Variants in BLTP1 observed in about 807,000 individuals in gnomAD.
The protein encoded by BLTP1 is fragile site-associated protein.
the BLTP1 span, chr4:122,328,241 C>G: frequency 1.9e-6 from 3 of 1,611,200 alleles, no homozygotes; most frequent in Non-Finnish European, 2.5e-6. Context: ...GCATTCCTTT[C>G]CAAACTGAAG....
chr4:122,360,026 A>C, the BLTP1 span: 2 of 985,228 alleles, frequency 2.0e-6, no homozygotes, highest in African/African-American at 3.5e-5. Context: ...TCTCACCAAG[A>C]TGTTATTTTC....
chr4:122,172,915 A>T, the BLTP1 span: 1 of 1,551,792 alleles, frequency 6.4e-7, no homozygotes, highest in Non-Finnish European at 8.6e-7. Flanking sequence ...GAAGAAGAGG[A>T]AGAAAGCTGG....
At chr4:122,189,396 G>A in the BLTP1 span, 5 of 983,630 alleles carry the variant, frequency 5.1e-6, no homozygotes, top group Middle Eastern at 1.0e-3. Context: ...GTAGAAAAAC[G>A]TTCATTCCAG....
At chr4:122,167,002 ATCTTTACTT>A in the BLTP1 span, among the ~76,000 whole-genome samples, 1 of 152,074 alleles carries the variant, frequency 6.6e-6, no homozygotes. Context: ...AACAAGGCTT[ATCTTTACTT>A]TCTGTCCCTT....
chr4:122,362,529 C>G, the BLTP1 span: 1 of 189,092 alleles, frequency 5.3e-6, no homozygotes, highest in African/African-American at 2.4e-5. Flanking sequence ...TTTAAAATGT[C>G]TGCAGAATAA....
At chr4:122,245,505 G>A in the BLTP1 span, among the ~76,000 whole-genome samples, 1 of 152,004 alleles carries the variant, frequency 6.6e-6, no homozygotes, top group African/African-American at 2.4e-5. Flanking sequence ...ATGATTAGAT[G>A]ACTTGTATCT....
At chr4:122,274,314 T>A in the BLTP1 span, 1 of 1,157,748 alleles carries the variant, frequency 8.6e-7, no homozygotes, top group Admixed American at 1.9e-5. Context: ...TATCCAGAAT[T>A]CAAATAAATA....
the BLTP1 span, chr4:122,337,278 T>C: frequency 2.4e-6 from 1 of 419,952 alleles, no homozygotes; most frequent in South Asian, 3.0e-5. Flanking sequence ...AGTAATGCAT[T>C]TAATACACTT....
At chr4:122,237,338 G>T in the BLTP1 span, 1 of 985,288 alleles carries the variant, frequency 1.0e-6, no homozygotes. Context: ...TTATGAAACT[G>T]TGAAACAGTG....
At chr4:122,158,265 G>A in the BLTP1 span, among the ~76,000 whole-genome samples, 2 of 152,140 alleles carry the variant, frequency 1.3e-5, no homozygotes, top group African/African-American at 4.8e-5. Flanking sequence ...TTAATTTATG[G>A]TATGAGGACT....
chr4:122,325,319 C>T, the BLTP1 span: 1 of 1,601,936 alleles, frequency 6.2e-7, no homozygotes, highest in Non-Finnish European at 8.5e-7. Flanking sequence ...ATCCAGGATA[C>T]AGTAAGAGAT....
the BLTP1 span, among the ~76,000 whole-genome samples, chr4:122,332,152 T>C: frequency 6.6e-6 from 1 of 151,898 alleles, no homozygotes; most frequent in Non-Finnish European, 1.5e-5. Flanking sequence ...ATGCTGACAA[T>C]TATTGAAACT....
the BLTP1 span, among the ~76,000 whole-genome samples, chr4:122,341,318 C>G: frequency 0.05 from 7,588 of 152,178 alleles, 267 homozygotes; most frequent in Non-Finnish European, 0.074. Context: ...CTTCCCAACA[C>G]TGCTTTAAAT....
chr4:122,278,765 G>A, the BLTP1 span, among the ~76,000 whole-genome samples: 1 of 152,146 alleles, frequency 6.6e-6, no homozygotes, highest in Admixed American at 6.6e-5. Flanking sequence ...CCAAGTAGCA[G>A]GGACTGCAGG....
the BLTP1 span, chr4:122,220,587 T>C: frequency 1.2e-6 from 1 of 815,222 alleles, no homozygotes; most frequent in Non-Finnish European, 1.9e-6. Flanking sequence ...TTGGAGACTT[T>C]TAAGTTAACT....
At chr4:122,347,604 G>A in the BLTP1 span, 3 of 1,613,818 alleles carry the variant, frequency 1.9e-6, no homozygotes, top group South Asian at 1.1e-5. Flanking sequence ...CTTACTGCAA[G>A]ACCTGGGAGC....
chr4:122,264,526 G>T, the BLTP1 span: 4 of 1,149,570 alleles, frequency 3.5e-6, no homozygotes, highest in Non-Finnish European at 4.6e-6. Context: ...TTCTAGTGAG[G>T]CTATACCTTA....
At chr4:122,155,495 T>G in the BLTP1 span, among the ~76,000 whole-genome samples, 1 of 152,032 alleles carries the variant, frequency 6.6e-6, no homozygotes, top group African/African-American at 2.4e-5. Flanking sequence ...GGCCAATTTT[T>G]GTATTTTTGG....
the BLTP1 span, chr4:122,300,002 C>A: frequency 1.2e-6 from 1 of 868,338 alleles, no homozygotes; most frequent in Non-Finnish European, 1.4e-6. Context: ...TTCCAAAATA[C>A]AAATATATAT....
Sources: gnomAD v4.1 joint callset for allele counts (sites outside exome capture counted in the v4.1 genomes callset) on GRCh38, gnomAD v4.1.1 for gene constraint, MANE v1.5 for transcripts, NCBI Gene and HGNC (gene_info 2026-07-23, HGNC 2026-07-21) for gene names.